Variants in CROT observed in about 807,000 individuals in gnomAD.
CROT encodes peroxisomal carnitine O-octanoyltransferase.
In CROT, 84 loss-of-function variants were observed where a neutral mutation model predicts 89.2. That is an observed-to-expected ratio of 0.94 (90% CI 0.79 to 1.13). The LOEUF is 1.13. CROT is among the 50% of genes most tolerant of loss of function. The pLI, the probability that CROT is intolerant of heterozygous loss-of-function variation, is 0.00. For missense variants in CROT, 711 were observed against 727.8 expected, an observed-to-expected ratio of 0.98 and a Z score of 0.27; for synonymous variants, 212 against 239.5, an observed-to-expected ratio of 0.89 and a Z score of 1.06.
rs33929613 is a variant in CROT at position 87,378,346 on chromosome 7, CA to C, written c.978+912del. 5.0e-3 allele frequency among the ~76,000 whole-genome samples: 666 copies of C among 132,866 alleles called. 9 individuals are homozygous for C. Among genetic ancestry groups the C allele is most frequent in the Middle Eastern group, 0.019 (5 of 260 alleles). The allele number at this position is 132,866 out of a possible 152,430, so 87.2% of individuals were successfully genotyped here. A position where few individuals can be genotyped will look rare whatever the true frequency, so the allele number is the denominator to read the frequency against. On this transcript the variant is annotated intron_variant, in intron 10 of 17. Transcript: ENST00000331536. ...GGGAAACAGACTGAGACTCCGACTC[CA>C]AAAAAAAAAAAAAAAGGGTTCAGTA...
chr7:87,375,776 G>A (rs1340248138), intron 8 of CROT, 51 bp downstream of exon 8: 2 of 1,612,230 alleles, frequency 1.2e-6, no homozygotes, highest in Admixed American at 1.7e-5. Context: ...AAACTCTTTT[G>A]ATGTATTGTA....
In CROT at chr7:87,359,203, T is replaced by C. The variant is rs199594912; in HGVS notation, c.116-3T>C. Reference sequence around the variant, plus strand: ...TACCTTAATACGTATTTTTCCTTTCTAGTGAAACCATTTGCAAATCAAGAA... The same window carrying C: ...TACCTTAATACGTATTTTTCCTTTCCAGTGAAACCATTTGCAAATCAAGAA... On this transcript the variant is annotated splice_polypyrimidine_tract_variant and splice_region_variant and intron_variant, in intron 3 of 17. Transcript: ENST00000331536. 8 of 1,557,464 alleles carry C rather than the reference T, an allele frequency of 5.1e-6. No individual in the cohort carries two copies. The African/African-American group carries it at 1.1e-4, about 21-fold the overall frequency.
At chr7:87,372,709 T>G (rs1806682820) in intron 7 of CROT, among the ~76,000 whole-genome samples, 1 of 152,188 alleles carries the variant, frequency 6.6e-6, no homozygotes, top group African/African-American at 2.4e-5. Flanking sequence ...TTACAACATG[T>G]AGCCTTTTGT....
intron 4 of CROT, among the ~76,000 whole-genome samples, chr7:87,361,005 G>A (rs981753231): frequency 6.6e-6 from 1 of 152,166 alleles, no homozygotes; most frequent in African/African-American, 2.4e-5. Context: ...GTCTTTCTCT[G>A]TCACCAAGGC....
intron 3 of CROT, among the ~76,000 whole-genome samples, chr7:87,353,840 C>A (rs997143208): frequency 6.6e-6 from 1 of 152,158 alleles, no homozygotes; most frequent in African/African-American, 2.4e-5. Context: ...CTCCCATGAT[C>A]CAGCCACCTC....
chr7:87,385,489 A>G (rs1273767908), intron 13 of CROT, among the ~76,000 whole-genome samples: 1 of 151,624 alleles, frequency 6.6e-6, no homozygotes, highest in African/African-American at 2.4e-5. Flanking sequence ...TGTTTTTCAG[A>G]TTGTTTGCTT....
At chr7:87,376,657 C>T (rs978886963) in intron 9 of CROT, among the ~76,000 whole-genome samples, 1 of 149,056 alleles carries the variant, frequency 6.7e-6, no homozygotes. Context: ...TTGAGAATCA[C>T]CAGACTTCTT....
intron 6 of CROT, among the ~76,000 whole-genome samples, chr7:87,363,945 G>A (rs781529361): frequency 2.0e-5 from 3 of 152,132 alleles, no homozygotes; most frequent in Admixed American, 1.3e-4. Context: ...AGATATAAGA[G>A]AAAAATAGGA....
At chr7:87,356,580 A>C (rs1392549465) in intron 3 of CROT, among the ~76,000 whole-genome samples, 2 of 152,226 alleles carry the variant, frequency 1.3e-5, no homozygotes, top group East Asian at 3.8e-4. Flanking sequence ...TCATAGTTGC[A>C]GGGCAAAAGT....
chr7:87,369,833 A>G (rs1806573500), intron 7 of CROT: 1 of 148,812 alleles, frequency 6.7e-6, no homozygotes, highest in Non-Finnish European at 1.5e-5. Flanking sequence ...TATAATATAT[A>G]ATATGTATTA....
chr7:87,358,481 C>CAAAAA (rs11405316), intron 3 of CROT, among the ~76,000 whole-genome samples: 39 of 95,178 alleles, frequency 4.1e-4, no homozygotes, highest in East Asian at 1.2e-3. Context: ...GACTCCATCT[C>CAAAAA]AAAAAAAAAA....
chr7:87,383,598 C>G (rs981166179), intron 13 of CROT, among the ~76,000 whole-genome samples: 10 of 151,338 alleles, frequency 6.6e-5, no homozygotes, highest in Non-Finnish European at 1.0e-4. Context: ...TGGGTTCAAG[C>G]AATTCTCCCT....
At chr7:87,381,453 A>G (rs1043740735) in intron 10 of CROT, among the ~76,000 whole-genome samples, 1 of 152,182 alleles carries the variant, frequency 6.6e-6, no homozygotes, top group Non-Finnish European at 1.5e-5. Flanking sequence ...GCTTTCTAAT[A>G]TTCACTAAGT....
intron 17 of CROT, among the ~76,000 whole-genome samples, chr7:87,396,097 G>C (rs31647): frequency 1.3e-5 from 2 of 152,064 alleles, no homozygotes; most frequent in Non-Finnish European, 2.9e-5. Context: ...AGAGATTGTC[G>C]ATATGGCAAA....
intron 17 of CROT, among the ~76,000 whole-genome samples, chr7:87,394,593 C>G (rs2116215436): frequency 6.6e-6 from 1 of 151,382 alleles, no homozygotes. Flanking sequence ...ATTGCTGCAG[C>G]TACACTGGCA....
intron 7 of CROT, among the ~76,000 whole-genome samples, chr7:87,374,401 G>C (rs1806739742): frequency 6.6e-6 from 1 of 151,992 alleles, no homozygotes. Context: ...ATCATTTCAG[G>C]GAGGAAGTAA....
intron 14 of CROT, among the ~76,000 whole-genome samples, 192 bp from the exon 15 acceptor site, chr7:87,392,374 G>A (rs990306882): frequency 3.9e-5 from 6 of 152,124 alleles, no homozygotes; most frequent in African/African-American, 1.4e-4. Flanking sequence ...AAAGAAATAA[G>A]AAGCAGGATA....
intron 3 of CROT, chr7:87,357,641 T>C (rs1806126109): frequency 2.6e-6 from 2 of 775,038 alleles, no homozygotes; most frequent in Non-Finnish European, 4.4e-6. Context: ...AGCTACTCCA[T>C]TGCGGAGTAG....
In CROT at chr7:87,361,726, A is replaced by T; in HGVS notation, c.423-2A>T. The T allele has an allele frequency of 6.4e-7, 1 of 1,570,170 alleles. No homozygotes were observed. Among genetic ancestry groups the T allele is most frequent in the Non-Finnish European group, 8.6e-7 (1 of 1,164,032 alleles). On this transcript the variant is annotated splice_acceptor_variant, in intron 5 of 17. Coordinates refer to ENST00000331536, the MANE Select transcript of CROT (RefSeq NM_021151.4). LOFTEE classifies it high-confidence loss of function. The stretch of plus-strand genomic sequence containing the variant: ...TTTTGATCAAAATCCTTTTTTTAAT[A>T]GAGAAAAAGTGCCTGTTCATAAAGT...
Sources: gnomAD v4.1 joint callset for allele counts (sites outside exome capture counted in the v4.1 genomes callset) on GRCh38, gnomAD v4.1.1 for gene constraint, MANE v1.5 for transcripts, NCBI Gene and HGNC (gene_info 2026-07-23, HGNC 2026-07-21) for gene names.